Variants in PLA2G4E observed in about 807,000 individuals in gnomAD.
The protein encoded by PLA2G4E is phospholipase A2 group IVE.
Under a neutral mutation model 109.1 loss-of-function variants are expected in PLA2G4E, and 84 were observed. The ratio of observed to expected loss-of-function variants is 0.77; its 90% CI spans 0.65 to 0.92. PLA2G4E has a LOEUF of 0.92. PLA2G4E is among the 40% of genes least tolerant of loss of function. The pLI is 0.00. For missense variants in PLA2G4E, 1,057 were observed against 1,076.6 expected, an observed-to-expected ratio of 0.98 and a Z score of 0.25; for synonymous variants, 469 against 436.1, an observed-to-expected ratio of 1.08 and a Z score of -0.94.
intron 1 of PLA2G4E, among the ~76,000 whole-genome samples, chr15:42,033,325 G>A (rs990080948): frequency 2.3e-4 from 35 of 152,190 alleles, no homozygotes; most frequent in African/African-American, 8.2e-4. Context: ...ATGAATGCAA[G>A]TCTTGTAGCC....
chr15:42,004,293 CGAAA>C (rs59107866), intron 5 of PLA2G4E, among the ~76,000 whole-genome samples: 46,118 of 140,158 alleles, frequency 0.33, 8,944 homozygotes, highest in African/African-American at 0.56. Flanking sequence ...CAGAGTGAGA[CGAAA>C]GAAAGAAAGA....
intron 2 of PLA2G4E, among the ~76,000 whole-genome samples, chr15:42,011,612 C>G (rs2068536556): frequency 6.6e-6 from 1 of 151,980 alleles, no homozygotes. Context: ...TGCCTGTAGT[C>G]CCAGCTACTT....
At chr15:42,035,977 C>T (rs2141073612) in intron 1 of PLA2G4E, among the ~76,000 whole-genome samples, 1 of 143,808 alleles carries the variant, frequency 7.0e-6, no homozygotes, top group Non-Finnish European at 1.5e-5. Flanking sequence ...TACAAATATC[C>T]ATTCTGCTAT....
At chr15:42,049,875 C>A (rs539396571) in intron 1 of PLA2G4E, among the ~76,000 whole-genome samples, 11 of 152,352 alleles carry the variant, frequency 7.2e-5, no homozygotes, top group Admixed American at 2.0e-4. Flanking sequence ...GGAGAAACTG[C>A]ACGAGGCAGA....
chr15:41,982,771 C>G (rs1367769612), exon 20 of PLA2G4E: 1 of 152,222 alleles, frequency 6.6e-6, no homozygotes, highest in Non-Finnish European at 1.5e-5. Flanking sequence ...TTGTTTGGAG[C>G]TGGATGCTTG....
intron 15 of PLA2G4E, among the ~76,000 whole-genome samples, chr15:41,988,645 G>C (rs972891946): frequency 6.6e-6 from 1 of 152,324 alleles, no homozygotes; most frequent in East Asian, 1.9e-4. Context: ...TGGAGGCTTC[G>C]ACAGGTGAGG....
chr15:41,992,957 G>T, exon 13 of PLA2G4E: 1 of 1,609,534 alleles, frequency 6.2e-7, no homozygotes, highest in Non-Finnish European at 8.5e-7. Context: ...GGTAGCCATG[G>T]TCCTGGAAAG....
At chr15:42,050,472 A>G (rs973544038) in intron 1 of PLA2G4E, 3 of 1,510,888 alleles carry the variant, frequency 2.0e-6, no homozygotes, top group East Asian at 2.5e-5. Context: ...CAGGAAAGTG[A>G]GGTTAAAATT....
chr15:41,997,852 G>A (rs2068366618), intron 10 of PLA2G4E: 1 of 151,836 alleles, frequency 6.6e-6, no homozygotes. Flanking sequence ...ATAGTCTGCA[G>A]GCAGGTGGGG....
intron 1 of PLA2G4E, among the ~76,000 whole-genome samples, chr15:42,033,052 C>A (rs1053354095): frequency 6.6e-6 from 1 of 151,776 alleles, no homozygotes; most frequent in Non-Finnish European, 1.5e-5. Flanking sequence ...TGTAAGTGTG[C>A]GAGTGTGTGT....
At chr15:42,016,812 T>C (rs1379888447) in intron 1 of PLA2G4E, among the ~76,000 whole-genome samples, 1 of 152,252 alleles carries the variant, frequency 6.6e-6, no homozygotes, top group African/African-American at 2.4e-5. Flanking sequence ...AACCCTGAAA[T>C]ATTGAACATC....
At chr15:41,989,609 G>A in intron 14 of PLA2G4E, 57 bp from the exon 15 acceptor site, 1 of 1,555,992 alleles carries the variant, frequency 6.4e-7, no homozygotes, top group Non-Finnish European at 8.7e-7. Flanking sequence ...CGTCCACACA[G>A]CCGGGCCCCC....
At chr15:42,004,273 G>C (rs994416625) in intron 5 of PLA2G4E, among the ~76,000 whole-genome samples, 1 of 151,004 alleles carries the variant, frequency 6.6e-6, no homozygotes, top group South Asian at 2.1e-4. Flanking sequence ...CTGTACTCTA[G>C]CCTGGATGAC....
At chr15:42,010,140 A>ACCC (rs547723807) in intron 2 of PLA2G4E, 3 of 411,914 alleles carry the variant, frequency 7.3e-6, no homozygotes, top group South Asian at 2.1e-5. Context: ...TGGCCCCCCC[A>ACCC]CCCCGGGCCT....
chr15:42,033,303 T>C (rs534937242), intron 1 of PLA2G4E, among the ~76,000 whole-genome samples: 178 of 152,260 alleles, frequency 1.2e-3, no homozygotes, highest in Non-Finnish European at 2.2e-3. Flanking sequence ...CTGCTTGCCC[T>C]GCCAGACAAG....
At chr15:41,992,076 A>G (rs1668581) in intron 13 of PLA2G4E, among the ~76,000 whole-genome samples, 143,586 of 152,192 alleles carry the variant, frequency 0.94, 67,908 homozygotes, top group African/African-American at 0.98. Flanking sequence ...TAGTCAGATC[A>G]CTGGATCTCA....
In PLA2G4E at chr15:41,991,093, A is replaced by G. The variant is rs530412031; in HGVS notation, c.1471-858T>C. On this transcript the variant is annotated intron_variant, in intron 13 of 19. Transcript: ENST00000399518. ...GGGCCCAGAGATCTGGGCATCACAG[A>G]GCCCACTGTCCTGGAAGTAAAGCTG... Among the ~76,000 whole-genome samples, 11 of 152,310 alleles carry G rather than the reference A, an allele frequency of 7.2e-5. No individual in the cohort carries two copies. In the East Asian group the frequency reaches 2.1e-3, roughly 29 times the overall value.
chr15:41,985,810 C>A, intron 18 of PLA2G4E, 29 bp downstream of exon 18: 1 of 1,594,618 alleles, frequency 6.3e-7, no homozygotes. Flanking sequence ...GGCTGCAGCC[C>A]ATGCTCAGGA....
At chr15:42,005,059 C>T in intron 4 of PLA2G4E, 81 bp from the exon 5 acceptor site, 1 of 1,521,340 alleles carries the variant, frequency 6.6e-7, no homozygotes, top group Non-Finnish European at 9.0e-7. Context: ...ACCCTGGGAG[C>T]CGCTGTGGAC....
Sources: allele counts gnomAD v4.1 joint callset (sites outside exome capture counted in the v4.1 genomes callset), GRCh38; gene constraint gnomAD v4.1.1; transcripts MANE v1.5; gene names NCBI Gene and HGNC (gene_info 2026-07-23, HGNC 2026-07-21).